Variants in CDH12 observed in about 807,000 individuals in gnomAD.
CDH12 encodes cadherin 12.
A neutral mutation model predicts 74.1 loss-of-function variants in CDH12; 41 were observed. The observed-to-expected ratio is 0.55, with a 90% confidence interval of 0.43 to 0.72. The LOEUF (loss-of-function observed/expected upper bound fraction) is 0.72. CDH12 is among the 30% of genes least tolerant of loss of function. The pLI, the probability that CDH12 is intolerant of heterozygous loss-of-function variation, is 0.00. For missense variants in CDH12, 945 were observed against 977.2 expected (o/e 0.97, Z 0.44); for synonymous variants, 399 against 355.0 (o/e 1.12, Z -1.39).
intron 6 of CDH12, among the ~76,000 whole-genome samples, chr5:21,867,885 C>T (rs185507735): frequency 3.9e-5 from 6 of 152,212 alleles, no homozygotes; most frequent in Admixed American, 1.3e-4. Flanking sequence ...TGTGTCCCCA[C>T]CCAAATCTCA....
At chr5:22,538,670 C>T (rs1407331686) in intron 1 of CDH12, among the ~76,000 whole-genome samples, 1 of 152,056 alleles carries the variant, frequency 6.6e-6, no homozygotes, top group East Asian at 1.9e-4. Flanking sequence ...GGTGAAATAC[C>T]AGTATTTTTT....
At chr5:21,863,333 T>C (rs1235620280) in intron 6 of CDH12, among the ~76,000 whole-genome samples, 2 of 152,136 alleles carry the variant, frequency 1.3e-5, no homozygotes, top group Non-Finnish European at 1.5e-5. Flanking sequence ...TGTGAACTCT[T>C]TCATTTCTGA....
At position 22,112,149 on chromosome 5, in the gene CDH12, T is replaced by C. The variant is rs557000622; in HGVS notation, c.-186-33287A>G. ...TAAAAGTATATAGCAAATCAAAATA[T>C]TTTGTAATTGAAAAAAAACACTTCA... On this transcript the variant is annotated intron_variant, in intron 4 of 14. Transcript: ENST00000382254. 1.8e-3 allele frequency among the ~76,000 whole-genome samples: 270 copies of C among 152,206 alleles called. 4 individuals carry two copies. The highest frequency in any genetic ancestry group is 6.4e-3 in the African/African-American group (265 of 41,550).
At chr5:22,661,483 T>C (rs1464447134) in intron 1 of CDH12, among the ~76,000 whole-genome samples, 3 of 152,208 alleles carry the variant, frequency 2.0e-5, no homozygotes, top group African/African-American at 4.8e-5. Context: ...GGAAATATTA[T>C]ATTTCATTGT....
At chr5:21,991,703 T>A (rs558334586) in intron 5 of CDH12, among the ~76,000 whole-genome samples, 1 of 151,646 alleles carries the variant, frequency 6.6e-6, no homozygotes, top group Admixed American at 6.6e-5. Context: ...TTGCTTAGTG[T>A]GTTAAAGCAT....
At chr5:22,683,434 A>G (rs1741601205) in intron 1 of CDH12, among the ~76,000 whole-genome samples, 1 of 152,194 alleles carries the variant, frequency 6.6e-6, no homozygotes, top group Admixed American at 6.5e-5. Flanking sequence ...GTAGGTAAGA[A>G]AGAGTAGCAA....
chr5:22,715,479 C>T (rs1397877587), intron 1 of CDH12, among the ~76,000 whole-genome samples: 1 of 152,130 alleles, frequency 6.6e-6, no homozygotes, highest in African/African-American at 2.4e-5. Context: ...GATGTTTGAG[C>T]AGCAGATGGA....
At chr5:22,238,473 G>T (rs1752634079) in intron 3 of CDH12, among the ~76,000 whole-genome samples, 1 of 152,076 alleles carries the variant, frequency 6.6e-6, no homozygotes, top group Non-Finnish European at 1.5e-5. Flanking sequence ...CTATAAGATT[G>T]CCTTTGAGCT....
intron 5 of CDH12, among the ~76,000 whole-genome samples, chr5:21,988,491 C>CAAAAAAAAAAAAA (rs1157872208): frequency 6.8e-5 from 2 of 29,472 alleles, no homozygotes; most frequent in Non-Finnish European, 9.6e-5. Flanking sequence ...GACTCCGTCT[C>CAAAAAAAAAAAAA]AAAAAAAAAA....
intron 4 of CDH12, among the ~76,000 whole-genome samples, chr5:22,185,946 G>T (rs1022563835): frequency 2.6e-5 from 4 of 152,164 alleles, no homozygotes; most frequent in African/African-American, 7.2e-5. Context: ...ACCAGTAGGA[G>T]AACCTGGTCA....
chr5:22,684,302 A>G (rs1353654690), intron 1 of CDH12, among the ~76,000 whole-genome samples: 2 of 152,254 alleles, frequency 1.3e-5, no homozygotes, highest in Non-Finnish European at 1.5e-5. Flanking sequence ...CCTTTGAGTT[A>G]CAAACAATTC....
At chr5:22,852,018 T>C (rs906454489) in intron 1 of CDH12, among the ~76,000 whole-genome samples, 8 of 152,122 alleles carry the variant, frequency 5.3e-5, no homozygotes, top group Non-Finnish European at 8.8e-5. Context: ...CCTGTTTTGG[T>C]CATGTATAGT....
chr5:22,720,946 G>A (rs1374288981), intron 1 of CDH12, among the ~76,000 whole-genome samples: 8 of 152,228 alleles, frequency 5.3e-5, no homozygotes, highest in South Asian at 2.1e-4. Flanking sequence ...AAAATGTTCA[G>A]CCTAACCATG....
intron 7 of CDH12, among the ~76,000 whole-genome samples, chr5:21,846,475 T>G (rs773810223): frequency 8.1e-4 from 123 of 152,318 alleles, no homozygotes; most frequent in African/African-American, 2.8e-3. Context: ...TCTGTTTTTC[T>G]GTTTCCCTGT....
chr5:22,157,945 T>C (rs1748126328), intron 4 of CDH12, among the ~76,000 whole-genome samples: 1 of 151,954 alleles, frequency 6.6e-6, no homozygotes, highest in African/African-American at 2.4e-5. Flanking sequence ...TATAATGAGA[T>C]TCAAATGTAA....
intron 3 of CDH12, among the ~76,000 whole-genome samples, chr5:22,353,549 A>T (rs1466479134): frequency 6.6e-6 from 1 of 152,190 alleles, no homozygotes; most frequent in African/African-American, 2.4e-5. Context: ...ATTTTTAATT[A>T]AATAGTTTAT....
intron 1 of CDH12, among the ~76,000 whole-genome samples, chr5:22,558,111 T>C (rs547843011): frequency 2.6e-5 from 4 of 152,160 alleles, no homozygotes; most frequent in South Asian, 4.1e-4. Context: ...AAAAGATTAG[T>C]AGATTTTAAA....
At chr5:22,837,757 T>G (rs1414894315) in intron 1 of CDH12, among the ~76,000 whole-genome samples, 1 of 152,154 alleles carries the variant, frequency 6.6e-6, no homozygotes, top group Non-Finnish European at 1.5e-5. Context: ...AAACATTAAA[T>G]AGAATTTACA....
At chr5:22,779,880 G>A (rs1450436726) in intron 1 of CDH12, among the ~76,000 whole-genome samples, 1 of 151,864 alleles carries the variant, frequency 6.6e-6, no homozygotes, top group Non-Finnish European at 1.5e-5. Context: ...CTAATACACT[G>A]GTAATTGGAA....
Sources: allele counts gnomAD v4.1 joint callset (sites outside exome capture counted in the v4.1 genomes callset), GRCh38; gene constraint gnomAD v4.1.1; transcripts MANE v1.5; gene names NCBI Gene and HGNC (gene_info 2026-07-23, HGNC 2026-07-21).